The following NHS variants were observed in gnomAD, a reference collection of about 807,000 sequenced individuals.
NHS encodes the protein actin remodeling regulator NHS.
In NHS, 5 loss-of-function variants were observed where a neutral mutation model predicts 72.5. The observed-to-expected ratio is 0.07, with a 90% CI of 0.04 to 0.14. The LOEUF (loss-of-function observed/expected upper bound fraction) is 0.14, where lower values mean the gene tolerates loss of function less well. Among genes scored for constraint, NHS ranks in the 10% least tolerant of loss-of-function variants. NHS has a pLI of 1.00. For missense variants in NHS, 1,072 were observed against 1,355.7 expected, an observed-to-expected ratio of 0.79 and a Z score of 3.29; for synonymous variants, 464 against 547.7, an observed-to-expected ratio of 0.85 and a Z score of 2.13.
chrX:17,560,561 A>G (rs1004779177), intron 1 of NHS, among the ~76,000 whole-genome samples: 47 of 112,057 alleles, frequency 4.2e-4, no homozygotes, highest in African/African-American at 1.5e-3. Flanking sequence ...CTGCTATTAC[A>G]TGATGGGCAG....
chrX:17,383,215 T>C (rs916550329), intron 1 of NHS, among the ~76,000 whole-genome samples: 11 of 111,601 alleles, frequency 9.9e-5, no homozygotes, highest in Admixed American at 1.9e-4. Flanking sequence ...AGTCATAGGG[T>C]CTACTTATGG....
At chrX:17,731,224 CTTTTTTTTTT>C (rs142686353) in intron 8 of NHS, among the ~76,000 whole-genome samples, 2 of 34,820 alleles carry the variant, frequency 5.7e-5, no homozygotes, top group African/African-American at 1.2e-4. Flanking sequence ...TAGTTTCTTC[CTTTTTTTTTT>C]TTTTTTTTTT....
intron 1 of NHS, among the ~76,000 whole-genome samples, chrX:17,482,447 A>G (rs994740812): frequency 8.9e-6 from 1 of 112,208 alleles, no homozygotes; most frequent in Non-Finnish European, 1.9e-5. Context: ...AACCTCCAAA[A>G]CAGCTCACAG....
At chrX:17,427,813 C>T (rs774847767) in intron 1 of NHS, among the ~76,000 whole-genome samples, 371 of 112,358 alleles carry the variant, frequency 3.3e-3, no homozygotes, top group Non-Finnish European at 6.1e-3. Context: ...TCAAGCACCC[C>T]TTGTGTATTT....
At chrX:17,397,257 C>T (rs1185897629) in intron 1 of NHS, among the ~76,000 whole-genome samples, 1 of 112,572 alleles carries the variant, frequency 8.9e-6, no homozygotes, top group Non-Finnish European at 1.9e-5. Context: ...AGTGAGCTTT[C>T]CCTGGGTCTT....
At position 17,733,596 on chromosome X, in the gene NHS, A is replaced by T. The variant is rs2066502672; in HGVS notation, c.*1132A>T. 1 of 112,709 alleles carries T rather than the reference A, an allele frequency of 8.9e-6. No individual in the cohort carries two copies. Among genetic ancestry groups the T allele is most frequent in the African/African-American group, 3.2e-5 (1 of 30,925 alleles). 9.3% of individuals were successfully genotyped at this position (112,709 alleles called of 1,213,427 possible). A position where few individuals can be genotyped will look rare whatever the true frequency, so the allele number is the denominator to read the frequency against. ...CCACAGAGCTATTGATTAATCAGTA[A>T]GTACCTGTAATGAGTTTTCAGTGAA... is the stretch of plus-strand genomic sequence containing the variant. On this transcript the variant is annotated 3_prime_UTR_variant, in exon 9 of 9. Coordinates refer to ENST00000676302, the MANE Select transcript of NHS (RefSeq NM_001291867.2).
At chrX:17,538,586 T>G (rs1386061475) in intron 1 of NHS, among the ~76,000 whole-genome samples, 1 of 111,579 alleles carries the variant, frequency 9.0e-6, no homozygotes, top group Non-Finnish European at 1.9e-5. Flanking sequence ...GTCCTGGCAC[T>G]TCTGTGCTCC....
rs886042656 is a variant in NHS, at chrX:17,692,443, A to G, written c.827A>G (p.Glu276Gly). Residue 276 changes from glutamate (E) to glycine (G), a missense_variant, in exon 3 of 9, where the codon GAG becomes GGG. By Grantham distance (98) the Glu-to-Gly change is moderately conservative. Transcript: ENST00000676302. Reference sequence around the variant, plus strand: ...CCAGCTCACAGCCAGAGGAGGCGTGAGTTTAAGGACCGTCACTTTTTAACG... The same window carrying G: ...CCAGCTCACAGCCAGAGGAGGCGTGGGTTTAAGGACCGTCACTTTTTAACG... ...YPPAHSQRRR[E>G]FKDRHFLTFN... The G allele has an allele frequency of 1.7e-6, 2 of 1,210,016 alleles. No homozygotes were observed. Among genetic ancestry groups the G allele is most frequent in the African/African-American group, 3.5e-5 (2 of 57,227 alleles).
At chrX:17,720,411 T>TA (rs1462364115) in intron 4 of NHS, among the ~76,000 whole-genome samples, 2 of 112,362 alleles carry the variant, frequency 1.8e-5, no homozygotes, top group Admixed American at 1.9e-4. Flanking sequence ...ATTAAAGTCT[T>TA]ACTGGGATAA....
chrX:17,433,378 A>G (rs1160947593), intron 1 of NHS, among the ~76,000 whole-genome samples: 1 of 109,297 alleles, frequency 9.1e-6, no homozygotes, highest in East Asian at 2.9e-4. Context: ...GGAATATTTG[A>G]CTTGAGTTCT....
At chrX:17,690,158 T>C (rs2066187297) in intron 2 of NHS, among the ~76,000 whole-genome samples, 1 of 112,171 alleles carries the variant, frequency 8.9e-6, no homozygotes, top group Non-Finnish European at 1.9e-5. Context: ...CAGAGAGCCA[T>C]AAACAAGAAT....
chrX:17,529,849 C>G (rs1280054160), intron 1 of NHS, among the ~76,000 whole-genome samples: 1 of 111,415 alleles, frequency 9.0e-6, no homozygotes, highest in African/African-American at 3.3e-5. Flanking sequence ...TAGGGTATGA[C>G]AGTGTGGAGT....
chrX:17,407,417 C>A (rs1007812734), intron 1 of NHS, among the ~76,000 whole-genome samples: 1 of 111,406 alleles, frequency 9.0e-6, no homozygotes, highest in Admixed American at 9.6e-5. Flanking sequence ...GATTATAACC[C>A]AATTTTTCTC....
chrX:17,558,342 A>T (rs1470911523), intron 1 of NHS, among the ~76,000 whole-genome samples: 1 of 111,961 alleles, frequency 8.9e-6, no homozygotes, highest in Admixed American at 9.4e-5. Flanking sequence ...TTAATTAAGG[A>T]TATTTTCTCA....
At chrX:17,561,777 G>A (rs1398098603) in intron 1 of NHS, among the ~76,000 whole-genome samples, 2 of 107,850 alleles carry the variant, frequency 1.9e-5, no homozygotes, top group African/African-American at 6.8e-5. Context: ...AGCAGTCAGG[G>A]AATAAACCCC....
chrX:17,587,412 C>T (rs2065581273), intron 1 of NHS, among the ~76,000 whole-genome samples: 1 of 112,536 alleles, frequency 8.9e-6, no homozygotes, highest in African/African-American at 3.2e-5. Flanking sequence ...GCCAGTCCTC[C>T]ATGCAGTGCC....
chrX:17,392,520 A>G (rs1403229120), intron 1 of NHS, among the ~76,000 whole-genome samples: 3 of 111,951 alleles, frequency 2.7e-5, no homozygotes, highest in Non-Finnish European at 5.6e-5. Flanking sequence ...TTCTTTTTTG[A>G]GAGATACAGA....
chrX:17,604,360 T>C (rs1183650596), intron 1 of NHS, among the ~76,000 whole-genome samples: 1 of 111,875 alleles, frequency 8.9e-6, no homozygotes, highest in Non-Finnish European at 1.9e-5. Context: ...TTTAATATCC[T>C]GAAGTACATT....
chrX:17,594,854 G>A (rs1424222078), intron 1 of NHS, among the ~76,000 whole-genome samples: 1 of 112,516 alleles, frequency 8.9e-6, no homozygotes, highest in African/African-American at 3.2e-5. Flanking sequence ...TTGCACCACA[G>A]AGTTGATCCC....
Sources: gnomAD v4.1 joint callset for allele counts (sites outside exome capture counted in the v4.1 genomes callset) on GRCh38, gnomAD v4.1.1 for gene constraint, MANE v1.5 for transcripts, NCBI Gene and HGNC (gene_info 2026-07-23, HGNC 2026-07-21) for gene names.